Variants in CSE1L observed in about 807,000 individuals in gnomAD.
CSE1L encodes exportin-2.
In CSE1L, 24 loss-of-function variants were observed where a neutral mutation model predicts 120.4. That is an observed-to-expected ratio of 0.20 (90% CI 0.14 to 0.28). The LOEUF (loss-of-function observed/expected upper bound fraction) is 0.28, where lower values mean the gene tolerates loss of function less well. Ranked by LOEUF, CSE1L falls within the 10% of genes least tolerant of loss-of-function variation. The pLI, the probability that CSE1L is intolerant of heterozygous loss-of-function variation, is 1.00. For synonymous variants in CSE1L, 402 were observed against 398.3 expected (o/e 1.01, Z -0.11); for missense variants, 830 against 1,145.2 (o/e 0.72, Z 3.97).
chr20:49,068,960 G>A, intron 7 of CSE1L, 138 bp downstream of exon 7: 1 of 627,480 alleles, frequency 1.6e-6, no homozygotes. Context: ...TTTATCTATA[G>A]TGTTCTGTTC....
intron 14 of CSE1L, among the ~76,000 whole-genome samples, chr20:49,082,447 G>A (rs1040283797): frequency 6.6e-6 from 1 of 151,202 alleles, no homozygotes; most frequent in Admixed American, 6.6e-5. Context: ...CCTGGCCTAG[G>A]TTTTAAATTT....
chr20:49,047,818 G>A (rs897243851), intron 1 of CSE1L, among the ~76,000 whole-genome samples: 2 of 151,766 alleles, frequency 1.3e-5, no homozygotes, highest in African/African-American at 4.8e-5. Flanking sequence ...ACCTGTCTAG[G>A]ACCTTTCTCC....
At chr20:49,091,100 T>C (rs1485100328) in intron 21 of CSE1L, 78 bp downstream of exon 21, 3 of 1,000,094 alleles carry the variant, frequency 3.0e-6, no homozygotes, top group Non-Finnish European at 4.6e-6. Context: ...TGGTTGCAGA[T>C]ACATTTTTTA....
intron 2 of CSE1L, among the ~76,000 whole-genome samples, chr20:49,060,942 TC>T (rs1354527857): frequency 6.6e-6 from 1 of 152,136 alleles, no homozygotes; most frequent in African/African-American, 2.4e-5. Context: ...TTGGAAGGGT[TC>T]CATGAGGAAG....
chr20:49,046,771 C>T (rs1050633874), intron 1 of CSE1L, among the ~76,000 whole-genome samples: 7 of 152,220 alleles, frequency 4.6e-5, no homozygotes. Flanking sequence ...CCTCTCCGCT[C>T]GGGAAGGCCG....
At position 49,066,415 on chromosome 20, in the gene CSE1L, G is replaced by C; in HGVS notation, c.381G>C (p.Trp127Cys). The C allele has an allele frequency of 1.2e-6, 2 of 1,614,174 alleles. No individual in the cohort carries two copies. The highest frequency in any genetic ancestry group is 1.7e-6 in the Non-Finnish European group (2 of 1,180,012). Residue 127 changes from tryptophan to cysteine, a missense_variant, in exon 5 of 25, where the codon TGG becomes TGC. By Grantham distance (215) the Trp-to-Cys change is radical (BLOSUM62 -2). Transcript: ENST00000262982. Reference sequence around the variant, plus strand: ...GCAGAGAAGATTTTCCACAGAAATGGCCTGACTTGCTGACAGAAATGGTGA... The same window carrying C: ...GCAGAGAAGATTTTCCACAGAAATGCCCTGACTTGCTGACAGAAATGGTGA... ...IIGREDFPQK[W>C]PDLLTEMVNR...
intron 2 of CSE1L, among the ~76,000 whole-genome samples, chr20:49,061,760 C>G (rs1180645491): frequency 1.3e-5 from 2 of 152,046 alleles, no homozygotes; most frequent in Non-Finnish European, 2.9e-5. Flanking sequence ...GTCTCGGCCT[C>G]CCATAGTGCT....
Position 49,089,638 on chromosome 20 carries a change from G to A in CSE1L, c.2073G>A (p.Gln691=). The A allele has an allele frequency of 6.2e-7, 1 of 1,614,110 alleles. No individual in the cohort carries two copies. Among genetic ancestry groups the A allele is most frequent in the Non-Finnish European group, 8.5e-7 (1 of 1,179,998 alleles). ...TGGCCTTATTTCCTCATCTCCTTCAGCCAGTGCTTTGGGAAAGAACAGGAA... is the reference window on the plus strand; with the variant it reads ...TGGCCTTATTTCCTCATCTCCTTCAACCAGTGCTTTGGGAAAGAACAGGAA... ...SYMALFPHLL[Q]PVLWERTGNI... is the part of the protein sequence containing the mutation. Residue 691 remains glutamine, a synonymous_variant, in exon 19 of 25, where the codon CAG becomes CAA. Transcript: ENST00000262982.
chr20:49,077,294 G>A (rs2123722385), intron 13 of CSE1L, among the ~76,000 whole-genome samples: 2 of 151,872 alleles, frequency 1.3e-5, no homozygotes, highest in Middle Eastern at 6.8e-3. Context: ...CAAGCAGCTG[G>A]GACTACAGGC....
chr20:49,053,829 C>T (rs2088542955), intron 1 of CSE1L, among the ~76,000 whole-genome samples: 2 of 152,150 alleles, frequency 1.3e-5, no homozygotes, highest in Admixed American at 6.6e-5. Context: ...GCTAGGACTA[C>T]AGGGCCACAC....
chr20:49,047,552 CTTTTCTCTTTTCTTTTTT>C (rs1348953323), intron 1 of CSE1L, among the ~76,000 whole-genome samples: 3 of 89,852 alleles, frequency 3.3e-5, no homozygotes, highest in African/African-American at 1.4e-4. Flanking sequence ...TTTTCTTTTT[CTTTTCTCTTTTCTTTTTT>C]TTTTTTTTTT....
At chr20:49,046,831 A>G (rs3817652) in intron 1 of CSE1L, among the ~76,000 whole-genome samples, 54,985 of 152,206 alleles carry the variant, frequency 0.36, 10,770 homozygotes, top group African/African-American at 0.53. Flanking sequence ...GGTGGCTGCT[A>G]GCCGCGCGAG....
chr20:49,080,381 G>A (rs931204356), intron 14 of CSE1L, among the ~76,000 whole-genome samples: 4 of 151,164 alleles, frequency 2.6e-5, no homozygotes, highest in African/African-American at 9.7e-5. Context: ...GCCTGGCCCT[G>A]GTTATCAATT....
Position 49,096,483 on chromosome 20 carries a change from A to G in CSE1L, c.*45A>G, listed in dbSNP as rs1485391987. The G allele has an allele frequency of 3.5e-6, 5 of 1,412,816 alleles. No individual in the cohort carries two copies. The Admixed American group carries it at 6.7e-5, about 19-fold the overall frequency. The allele number at this position is 1,412,816 out of a possible 1,614,324, so 87.5% of individuals were successfully genotyped here. ...CTAAACCCAGATGGTTTCCTAGGAA[A>G]TCACAGGCTTCTGAGCACAGCTGCA... On this transcript the variant is annotated 3_prime_UTR_variant, in exon 25 of 25. Coordinates refer to ENST00000262982, the MANE Select transcript of CSE1L (RefSeq NM_001316.4).
chr20:49,049,356 A>T (rs7263443), intron 1 of CSE1L, among the ~76,000 whole-genome samples: 6,705 of 148,236 alleles, frequency 0.045, 453 homozygotes, highest in African/African-American at 0.15. Context: ...ACTAATTTTT[A>T]TTTTTTTTTT....
At position 49,092,089 on chromosome 20, in the gene CSE1L, A is replaced by G. The variant is rs377319144; in HGVS notation, c.2409A>G (p.Ala803=). The G allele has an allele frequency of 1.3e-5, 20 of 1,577,118 alleles. No individual in the cohort carries two copies. The highest frequency in any genetic ancestry group is 1.7e-5 in the Non-Finnish European group (20 of 1,154,210). Residue 803 remains alanine (A), a synonymous_variant, in exon 22 of 25, where the codon GCA becomes GCG. Coordinates refer to ENST00000262982, the MANE Select transcript of CSE1L (RefSeq NM_001316.4). ...ATTTGTATTGCATAAAATATGGGGC[A>G]CTAGCACTACAAGAAATATTTGATG... is the stretch of plus-strand genomic sequence containing the variant. ...FINLYCIKYG[A]LALQEIFDGI...
At chr20:49,076,719 C>A (rs903531529) in intron 12 of CSE1L, among the ~76,000 whole-genome samples, 3 of 148,944 alleles carry the variant, frequency 2.0e-5, no homozygotes, top group Admixed American at 2.0e-4. Flanking sequence ...TTAGTAGAGA[C>A]GGGGTTTTGC....
chr20:49,082,922 C>T (rs1270984907), intron 14 of CSE1L, among the ~76,000 whole-genome samples: 9 of 152,046 alleles, frequency 5.9e-5, no homozygotes, highest in Admixed American at 2.6e-4. Flanking sequence ...TGGACTCAAG[C>T]GATCCTCCTG....
chr20:49,049,237 T>A (rs1351360090), intron 1 of CSE1L, among the ~76,000 whole-genome samples: 2 of 151,856 alleles, frequency 1.3e-5, no homozygotes, highest in Admixed American at 1.3e-4. Flanking sequence ...TCCCTTTTTT[T>A]TTTGGAGACA....
Sources: gnomAD v4.1 joint callset for allele counts (sites outside exome capture counted in the v4.1 genomes callset) on GRCh38, gnomAD v4.1.1 for gene constraint, MANE v1.5 for transcripts, NCBI Gene and HGNC (gene_info 2026-07-23, HGNC 2026-07-21) for gene names.